The following SLC35F4 variants were observed in gnomAD, a reference collection of about 807,000 sequenced individuals.
The protein encoded by SLC35F4 is solute carrier family 35 member F4.
A neutral mutation model predicts 44.2 loss-of-function variants in SLC35F4; 24 were observed. The observed-to-expected ratio is 0.54, with a 90% CI of 0.39 to 0.76. SLC35F4 has a LOEUF of 0.76. SLC35F4 is among the 30% of genes least tolerant of loss of function. The probability of loss-of-function intolerance (pLI) is 0.00; values close to 1 mark genes in which losing one functional copy is unlikely to be tolerated. For synonymous variants in SLC35F4, 238 were observed against 223.6 expected (o/e 1.06, Z -0.57); for missense variants, 562 against 586.1 (o/e 0.96, Z 0.42).
chr14:57,964,991 A>AAAATATAT (rs1555331532), intron 1 of SLC35F4, among the ~76,000 whole-genome samples: 2 of 115,694 alleles, frequency 1.7e-5, no homozygotes, highest in African/African-American at 7.3e-5. Context: ...AAAAAAAAAA[A>AAAATATAT]ATATATATAT....
chr14:57,830,310 C>T (rs1224971325), intron 1 of SLC35F4, among the ~76,000 whole-genome samples: 1 of 152,052 alleles, frequency 6.6e-6, no homozygotes, highest in Non-Finnish European at 1.5e-5. Flanking sequence ...TGGTGTAATG[C>T]CACCTCATTG....
chr14:57,741,666 G>A (rs2076612620), intron 1 of SLC35F4, among the ~76,000 whole-genome samples: 2 of 152,180 alleles, frequency 1.3e-5, no homozygotes, highest in African/African-American at 4.8e-5. Context: ...ACACTCAGCA[G>A]GATATTATCC....
intron 1 of SLC35F4, among the ~76,000 whole-genome samples, chr14:57,736,427 C>T (rs2076465516): frequency 6.6e-6 from 1 of 152,182 alleles, no homozygotes; most frequent in Non-Finnish European, 1.5e-5. Flanking sequence ...CACAGGAGGG[C>T]CTGTATAGTA....
At chr14:57,841,139 C>A (rs1035283382) in intron 1 of SLC35F4, among the ~76,000 whole-genome samples, 1 of 152,090 alleles carries the variant, frequency 6.6e-6, no homozygotes, top group Non-Finnish European at 1.5e-5. Flanking sequence ...AACATGTACA[C>A]AATGAATGCC....
intron 1 of SLC35F4, among the ~76,000 whole-genome samples, chr14:57,833,203 AAGAC>A (rs1251074139): frequency 5.9e-5 from 9 of 152,290 alleles, no homozygotes; most frequent in South Asian, 4.1e-4. Context: ...AATCTCACTA[AAGAC>A]AGACAGAATT....
rs372127504 is a variant in SLC35F4 at position 57,832,517 on chromosome 14, A to C, written c.103+33206T>G. Among the ~76,000 whole-genome samples the C allele has an allele frequency of 1.4e-4, 22 of 152,328 alleles. 1 individual carries two copies. The highest frequency in any genetic ancestry group is 5.8e-4 in the East Asian group (3 of 5,190). On this transcript the variant is annotated intron_variant, in intron 1 of 7. Coordinates refer to ENST00000556826, the MANE Select transcript of SLC35F4 (RefSeq NM_001306087.2). The stretch of plus-strand genomic sequence containing the variant: ...TTTAGCTTTTCTTGTTACAAAAAGA[A>C]GTAACTATGTGAGATGATAGACATG...
intron 1 of SLC35F4, among the ~76,000 whole-genome samples, chr14:57,643,776 C>A (rs1413613590): frequency 6.6e-6 from 1 of 152,098 alleles, no homozygotes; most frequent in Non-Finnish European, 1.5e-5. Flanking sequence ...CCTTCCCCCA[C>A]CCCACAACAG....
At chr14:57,728,374 A>G (rs1476547514) in intron 1 of SLC35F4, among the ~76,000 whole-genome samples, 1 of 136,460 alleles carries the variant, frequency 7.3e-6, no homozygotes, top group Non-Finnish European at 1.6e-5. Context: ...ATTTTGTTTT[A>G]CTGCATGCTT....
chr14:57,612,669 C>T (rs1043004188), intron 1 of SLC35F4, among the ~76,000 whole-genome samples: 2 of 152,092 alleles, frequency 1.3e-5, no homozygotes, highest in East Asian at 3.9e-4. Context: ...GCTCACTGAC[C>T]CTTGGGGAGA....
chr14:57,911,682 A>G (rs1171209450), intron 1 of SLC35F4, among the ~76,000 whole-genome samples: 2 of 151,942 alleles, frequency 1.3e-5, no homozygotes, highest in Non-Finnish European at 2.9e-5. Flanking sequence ...GTTAGATTCA[A>G]TTTGCTATTA....
chr14:57,673,613 T>G (rs1957690), intron 1 of SLC35F4, among the ~76,000 whole-genome samples: 22,351 of 151,578 alleles, frequency 0.15, 1,888 homozygotes, highest in East Asian at 0.29. Context: ...GAGGAGCAGT[T>G]GAAAGGCTGA....
At chr14:57,923,871 C>A (rs808233) in intron 1 of SLC35F4, among the ~76,000 whole-genome samples, 6 of 152,068 alleles carry the variant, frequency 3.9e-5, no homozygotes, top group African/African-American at 1.4e-4. Flanking sequence ...TGATATGGTT[C>A]GGCTGTGTCC....
At chr14:57,828,239 T>C (rs1320558896) in intron 1 of SLC35F4, among the ~76,000 whole-genome samples, 2 of 152,070 alleles carry the variant, frequency 1.3e-5, no homozygotes, top group African/African-American at 4.8e-5. Flanking sequence ...ATGCCAGAGA[T>C]CTCCATTTGA....
chr14:57,904,391 G>T (rs1004992588), intron 1 of SLC35F4, among the ~76,000 whole-genome samples: 1 of 152,214 alleles, frequency 6.6e-6, no homozygotes, highest in Non-Finnish European at 1.5e-5. Flanking sequence ...GGTATTCTCA[G>T]ATTTCTCTTG....
Position 57,568,665 on chromosome 14 carries a change from C to T in SLC35F4, c.1126+1123G>A, listed in dbSNP as rs1325955726. Among the ~76,000 whole-genome samples the T allele has an allele frequency of 2.6e-5, 4 of 152,120 alleles. No individual in the cohort carries two copies. The East Asian group carries it at 7.7e-4, about 29-fold the overall frequency. ...CCAGCATAGAAAAAGATGACCCAAT[C>T]AATACTCTTGCAGGGATGAAAATAA... On this transcript the variant is annotated intron_variant, in intron 6 of 7. Transcript: ENST00000556826.
intron 1 of SLC35F4, among the ~76,000 whole-genome samples, chr14:57,728,441 C>CTTTTTTTTTTTT (rs869064667): frequency 3.2e-4 from 19 of 58,994 alleles, no homozygotes; most frequent in Non-Finnish European, 4.3e-4. Flanking sequence ...TTCTTTCTTT[C>CTTTTTTTTTTTT]TTTTTTTTTT....
At chr14:57,972,759 G>A (rs1220387062), downstream of SLC35F4, among the ~76,000 whole-genome samples, 1 of 152,132 alleles carries the variant, frequency 6.6e-6, no homozygotes, top group Non-Finnish European at 1.5e-5. Context: ...GAGAGTGAGA[G>A]CATAGTAGCC....
At chr14:57,723,519 G>C (rs1210235289) in intron 1 of SLC35F4, among the ~76,000 whole-genome samples, 1 of 152,214 alleles carries the variant, frequency 6.6e-6, no homozygotes, top group Non-Finnish European at 1.5e-5. Flanking sequence ...GGTTATCGTA[G>C]GCTTAACCAA....
At chr14:57,958,740 G>C (rs73304496) in intron 1 of SLC35F4, among the ~76,000 whole-genome samples, 60 of 152,242 alleles carry the variant, frequency 3.9e-4, no homozygotes, top group African/African-American at 1.4e-3. Context: ...AATACCAAGC[G>C]CTGAGTAGGA....
Sources: allele counts gnomAD v4.1 joint callset (sites outside exome capture counted in the v4.1 genomes callset), GRCh38; gene constraint gnomAD v4.1.1; transcripts MANE v1.5; gene names NCBI Gene and HGNC (gene_info 2026-07-23, HGNC 2026-07-21).